Variants in ANO2 observed in about 807,000 individuals in gnomAD.
The protein encoded by ANO2 is anoctamin-2.
Under a neutral mutation model 124.2 loss-of-function variants are expected in ANO2, and 101 were observed. That is an observed-to-expected ratio of 0.81 (90% CI 0.69 to 0.96). The LOEUF (loss-of-function observed/expected upper bound fraction) is 0.96. Among genes scored for constraint, ANO2 ranks in the 40% least tolerant of loss-of-function variants. The pLI is 0.00. For synonymous variants in ANO2, 486 were observed against 482.5 expected, an observed-to-expected ratio of 1.01 and a Z score of -0.09; for missense variants, 1,293 against 1,274.5, an observed-to-expected ratio of 1.01 and a Z score of -0.22.
At chr12:5,818,470 T>G (rs1371986601) in intron 7 of ANO2, among the ~76,000 whole-genome samples, 3 of 82,850 alleles carry the variant, frequency 3.6e-5, no homozygotes, top group Admixed American at 1.0e-4. Context: ...TATATATATA[T>G]ATATATATAT....
rs750712645 is a variant in ANO2, at chr12:5,658,408, TATC to T, written c.1546-10610_1546-10608del. 3.2e-4 allele frequency among the ~76,000 whole-genome samples: 48 copies of T among 152,044 alleles called. No individual in the cohort carries two copies. The highest frequency in any genetic ancestry group is 5.6e-4 in the Non-Finnish European group (38 of 67,998). ...TCAACAACATCATCATCGTCATTGT[TATC>T]ATCATCATAACCATACCATCAAAAT... On this transcript the variant is annotated intron_variant, in intron 14 of 24. Transcript: ENST00000682330. This position sits in a 1 kb window ranked among gnomAD's most constrained non-coding sequence, Gnocchi z 4.3.
chr12:5,614,079 C>T (rs1248041306), intron 17 of ANO2, among the ~76,000 whole-genome samples: 1 of 152,154 alleles, frequency 6.6e-6, no homozygotes, highest in African/African-American at 2.4e-5. Flanking sequence ...ACTTTTAGTT[C>T]TAGGGAAGCT....
At position 5,769,451 on chromosome 12, in the gene ANO2, A is replaced by G. The variant is rs1952005761; in HGVS notation, c.1056-18481T>C. Among the ~76,000 whole-genome samples, 1 of 149,072 alleles carries G rather than the reference A, an allele frequency of 6.7e-6. No homozygotes were observed. The highest frequency in any genetic ancestry group is 1.5e-5 in the Non-Finnish European group (1 of 67,500). On this transcript the variant is annotated intron_variant, in intron 10 of 24. Coordinates refer to ENST00000682330, the MANE Select transcript of ANO2 (RefSeq NM_001364791.2). The surrounding 1 kb of genome is among the most constrained non-coding windows in gnomAD (Gnocchi z 4.0). ...ACCAGAGAAATGAGGTGCAAGTGAC[A>G]CTTAGGTAAGTAAGTAAGGCATACA... is the stretch of plus-strand genomic sequence containing the variant.
rs146844985 is a variant in ANO2, at chr12:5,659,947, G to C, written c.1546-12146C>G. Reference sequence around the variant, plus strand: ...TAGTGGTACAATGAGTCTTTGATGGGTTGCTCCTAATGAGGTGGGAAGGCC... The same window carrying C: ...TAGTGGTACAATGAGTCTTTGATGGCTTGCTCCTAATGAGGTGGGAAGGCC... On this transcript the variant is annotated intron_variant, in intron 14 of 24. Coordinates refer to ENST00000682330, the MANE Select transcript of ANO2 (RefSeq NM_001364791.2). 2.2e-3 allele frequency among the ~76,000 whole-genome samples: 336 copies of C among 152,198 alleles called. 2 individuals are homozygous for C. Among genetic ancestry groups the C allele is most frequent in the African/African-American group, 7.4e-3 (306 of 41,528 alleles).
Position 5,822,365 on chromosome 12 carries a change from G to C in ANO2, c.892+5404C>G, listed in dbSNP as rs150416499. ...GTATCCCATGTGAGTGTTCACCAGCGGGTGACCTCAGCAGTGGAGTGGACA... is the reference window on the plus strand; with the variant it reads ...GTATCCCATGTGAGTGTTCACCAGCCGGTGACCTCAGCAGTGGAGTGGACA... On this transcript the variant is annotated intron_variant, in intron 7 of 24. Transcript: ENST00000682330. 5.3e-5 allele frequency among the ~76,000 whole-genome samples: 8 copies of C among 152,294 alleles called. No individual in the cohort carries two copies. In the East Asian group the frequency reaches 1.5e-3, roughly 29 times the overall value.
intron 23 of ANO2, among the ~76,000 whole-genome samples, chr12:5,571,923 C>T (rs182311582): frequency 6.6e-6 from 1 of 152,204 alleles, no homozygotes; most frequent in East Asian, 1.9e-4. Context: ...GGAAACGCAG[C>T]CCCCAGAGCA....
intron 14 of ANO2, among the ~76,000 whole-genome samples, chr12:5,671,412 C>G (rs1947995651): frequency 6.9e-6 from 1 of 145,436 alleles, no homozygotes; most frequent in Non-Finnish European, 1.5e-5. Context: ...TTGCAACAGT[C>G]TTTGTCCTCC....
intron 14 of ANO2, among the ~76,000 whole-genome samples, chr12:5,682,055 C>T (rs953886896): frequency 6.6e-6 from 1 of 152,132 alleles, no homozygotes; most frequent in African/African-American, 2.4e-5. Flanking sequence ...TCCCTTTAGC[C>T]AAGGAAGAAG....
chr12:5,669,436 T>G (rs921229789), intron 14 of ANO2, among the ~76,000 whole-genome samples: 2 of 152,192 alleles, frequency 1.3e-5, no homozygotes, highest in African/African-American at 4.8e-5. Context: ...TAAGAAGTTT[T>G]GGGGCTGAGA....
intron 10 of ANO2, among the ~76,000 whole-genome samples, chr12:5,771,505 C>T (rs866078069): frequency 6.4e-5 from 9 of 140,754 alleles, no homozygotes; most frequent in African/African-American, 1.9e-4. Flanking sequence ...CTCGGCTGGG[C>T]GCCGTGGCTT....
intron 3 of ANO2, among the ~76,000 whole-genome samples, chr12:5,876,756 C>T (rs368219975): frequency 3.9e-5 from 6 of 152,174 alleles, no homozygotes; most frequent in East Asian, 3.9e-4. Context: ...CATGTTCTCA[C>T]TCATAAGTGG....
intron 10 of ANO2, among the ~76,000 whole-genome samples, chr12:5,759,254 A>G (rs1208885177): frequency 6.6e-6 from 1 of 152,186 alleles, no homozygotes; most frequent in Non-Finnish European, 1.5e-5. Context: ...TAGATACGTC[A>G]TAGTCAAATT....
upstream of ANO2, chr12:5,946,146 C>G: frequency 2.5e-6 from 4 of 1,613,886 alleles, no homozygotes; most frequent in Non-Finnish European, 3.4e-6. The surrounding 1 kb of genome is among the most constrained non-coding windows in gnomAD (Gnocchi z 4.1). Context: ...TTTGTGATCA[C>G]TGACCTTCAG....
chr12:5,638,153 T>A (rs905687848), intron 15 of ANO2, among the ~76,000 whole-genome samples: 2 of 152,116 alleles, frequency 1.3e-5, no homozygotes, highest in African/African-American at 2.4e-5. Context: ...TTAATGGTGA[T>A]AACATCATCA....
chr12:5,775,183 C>T (rs1952191297), intron 10 of ANO2, among the ~76,000 whole-genome samples: 1 of 152,108 alleles, frequency 6.6e-6, no homozygotes, highest in Non-Finnish European at 1.5e-5. Context: ...TTTGCCAATT[C>T]CAAACTTTTT....
intron 3 of ANO2, among the ~76,000 whole-genome samples, chr12:5,903,480 A>G (rs929676349): frequency 1.3e-5 from 2 of 152,234 alleles, no homozygotes; most frequent in Admixed American, 1.3e-4. Context: ...GTGAAGTATC[A>G]TATAATTTCC....
chr12:5,689,209 A>G (rs904395796), intron 14 of ANO2, among the ~76,000 whole-genome samples: 6 of 152,192 alleles, frequency 3.9e-5, no homozygotes, highest in African/African-American at 1.4e-4. Flanking sequence ...TACCAAAAGC[A>G]AGGGAACTTG....
intron 20 of ANO2, chr12:5,583,934 G>A (rs1465385373): frequency 1.3e-5 from 3 of 224,672 alleles, no homozygotes; most frequent in Non-Finnish European, 2.0e-5. Flanking sequence ...CCAGCTTCCT[G>A]CACAGCTTCA....
intron 3 of ANO2, among the ~76,000 whole-genome samples, chr12:5,907,038 G>A (rs1940750320): frequency 6.6e-6 from 1 of 152,050 alleles, no homozygotes; most frequent in African/African-American, 2.4e-5. Flanking sequence ...CAATTATCCT[G>A]CAAAAATAAA....
Sources: allele counts gnomAD v4.1 joint callset (sites outside exome capture counted in the v4.1 genomes callset), GRCh38; gene constraint gnomAD v4.1.1; non-coding constraint Gnocchi (gnomAD v3.1); transcripts MANE v1.5; gene names NCBI Gene and HGNC (gene_info 2026-07-23, HGNC 2026-07-21).